DIS3L2: variants seen among roughly 807,000 people sequenced by gnomAD.
The protein encoded by DIS3L2 is DIS3-like exonuclease 2.
A neutral mutation model predicts 97.5 loss-of-function variants in DIS3L2; 34 were observed. The ratio of observed to expected loss-of-function variants is 0.35; its 90% CI spans 0.27 to 0.46. The LOEUF is 0.46. DIS3L2 is among the 20% of genes least tolerant of loss of function. The pLI is 1.00. For missense variants in DIS3L2, 1,038 were observed against 1,146.0 expected (o/e 0.91, Z 1.36); for synonymous variants, 435 against 445.2 (o/e 0.98, Z 0.29).
intron 6 of DIS3L2, among the ~76,000 whole-genome samples, chr2:232,122,022 T>G (rs1697921999): frequency 6.6e-6 from 1 of 152,140 alleles, no homozygotes; most frequent in Non-Finnish European, 1.5e-5. Context: ...TTCAGAAACC[T>G]GTCTAAGCTT....
intron 11 of DIS3L2, among the ~76,000 whole-genome samples, chr2:232,247,360 A>G (rs1335959368): frequency 6.6e-6 from 1 of 152,160 alleles, no homozygotes; most frequent in Admixed American, 6.5e-5. Flanking sequence ...CCAGAATCCC[A>G]TATCAAGGTG....
At chr2:232,166,115 T>A (rs931495849) in intron 9 of DIS3L2, among the ~76,000 whole-genome samples, 8 of 141,230 alleles carry the variant, frequency 5.7e-5, no homozygotes, top group South Asian at 4.7e-4. Context: ...AATAAATAAA[T>A]AAAATATTAG....
intron 10 of DIS3L2, among the ~76,000 whole-genome samples, chr2:232,218,450 A>G (rs1692406097): frequency 6.6e-6 from 1 of 152,126 alleles, no homozygotes; most frequent in South Asian, 2.1e-4. Flanking sequence ...GCAGTGATCC[A>G]TTCTTGGAGG....
chr2:232,339,336 C>T (rs1408323629), downstream of DIS3L2, among the ~76,000 whole-genome samples: 3 of 152,244 alleles, frequency 2.0e-5, no homozygotes, highest in African/African-American at 7.2e-5. Flanking sequence ...CCAGAGGCCA[C>T]TGCAGCGGCT....
At position 232,276,961 on chromosome 2, in the gene DIS3L2, A is replaced by G. The variant is rs1462017260; in HGVS notation, c.1659+13521A>G. Among the ~76,000 whole-genome samples the G allele has an allele frequency of 6.6e-6, 1 of 152,250 alleles. No individual in the cohort carries two copies. Among genetic ancestry groups the G allele is most frequent in the Non-Finnish European group, 1.5e-5 (1 of 68,050 alleles). On this transcript the variant is annotated intron_variant, in intron 13 of 20. Coordinates refer to ENST00000325385, the MANE Select transcript of DIS3L2 (RefSeq NM_152383.5). The surrounding 1 kb of genome is among the most constrained non-coding windows in gnomAD (Gnocchi z 4.4). ...CTGTCTTCACAGAAGAGCTACTTTA[A>G]CACAGAGGTGAACTTGGAAGGACTA...
At position 232,030,888 on chromosome 2, in the gene DIS3L2, T is replaced by C. The variant is rs145857679; in HGVS notation, c.366+808T>C. On this transcript the variant is annotated intron_variant, in intron 5 of 20. Transcript: ENST00000325385. ...GTATCTAAGTCTGAATTTGTCTTCA[T>C]ATCATTTGTTTTATTTGGCTTTTTT... is the stretch of plus-strand genomic sequence containing the variant. 3.1e-3 allele frequency among the ~76,000 whole-genome samples: 475 copies of C among 152,294 alleles called. 2 individuals are homozygous for C. The highest frequency in any genetic ancestry group is 0.024 in the Middle Eastern group (7 of 294).
At chr2:232,278,453 C>T (rs1408479234) in intron 13 of DIS3L2, among the ~76,000 whole-genome samples, 2 of 152,130 alleles carry the variant, frequency 1.3e-5, no homozygotes, top group East Asian at 1.9e-4. Flanking sequence ...TCCCACGTGC[C>T]CCTCTGTAGT....
intron 9 of DIS3L2, among the ~76,000 whole-genome samples, chr2:232,170,237 C>T (rs1185287139): frequency 6.6e-6 from 1 of 152,188 alleles, no homozygotes; most frequent in Non-Finnish European, 1.5e-5. Flanking sequence ...CCAGTTATTT[C>T]AAATTTCATT....
intron 10 of DIS3L2, among the ~76,000 whole-genome samples, chr2:232,234,768 A>G (rs560373788): frequency 1.3e-5 from 2 of 152,354 alleles, no homozygotes; most frequent in East Asian, 1.9e-4. Flanking sequence ...GGGTGTATGT[A>G]TGAGCCCCAT....
intron 5 of DIS3L2, among the ~76,000 whole-genome samples, chr2:232,080,013 C>T (rs1031457854): frequency 7.9e-5 from 12 of 152,174 alleles, no homozygotes; most frequent in African/African-American, 2.4e-4. Flanking sequence ...TTAAAAGAAA[C>T]GCTCTAACTT....
In DIS3L2 at chr2:232,136,618, G is replaced by T; in HGVS notation, c.849G>T (p.Lys283Asn). The change falls in exon 8 of 21, where the codon AAG becomes AAT. Residue 283 changes from lysine to asparagine, a missense_variant. Physicochemically the swap from Lys to Asn is moderately conservative, Grantham distance 94 (BLOSUM62 0). Around this residue, in one of 3 missense-constraint regions of DIS3L2, gnomAD observed 813 missense variants for 880.1 expected, o/e 0.92. Coordinates refer to ENST00000325385, the MANE Select transcript of DIS3L2 (RefSeq NM_152383.5). Reference sequence around the variant, plus strand: ...TGCCTAGAATTTATGTGCCTCTCAAGGACTGTCCCCAGGACTTTGTGGCAC... The same window carrying T: ...TGCCTAGAATTTATGTGCCTCTCAATGACTGTCCCCAGGACTTTGTGGCAC... The part of the protein sequence containing the change: ...HRVPRIYVPL[K>N]DCPQDFVARP... The T allele has an allele frequency of 6.2e-7, 1 of 1,613,824 alleles. No individual in the cohort carries two copies. Among genetic ancestry groups the T allele is most frequent in the Non-Finnish European group, 8.5e-7 (1 of 1,179,932 alleles).
At chr2:232,049,531 C>A (rs1215372987) in intron 5 of DIS3L2, among the ~76,000 whole-genome samples, 2 of 152,136 alleles carry the variant, frequency 1.3e-5, no homozygotes, top group Non-Finnish European at 2.9e-5. Flanking sequence ...TACCTTCTGT[C>A]CACATGATGA....
intron 9 of DIS3L2, among the ~76,000 whole-genome samples, chr2:232,186,305 A>G (rs1475495854): frequency 6.6e-6 from 1 of 152,224 alleles, no homozygotes; most frequent in Non-Finnish European, 1.5e-5. Flanking sequence ...TAATAATTCA[A>G]CATCTTAGAA....
intron 8 of DIS3L2, among the ~76,000 whole-genome samples, chr2:232,141,330 G>A (rs887354425): frequency 1.7e-4 from 26 of 152,104 alleles, no homozygotes; most frequent in Non-Finnish European, 7.4e-5. Context: ...AAATGGAAAC[G>A]TTTTACAGCA....
At chr2:232,318,869 C>G (rs938357787) in intron 14 of DIS3L2, among the ~76,000 whole-genome samples, 3 of 152,226 alleles carry the variant, frequency 2.0e-5, no homozygotes, top group Non-Finnish European at 1.5e-5. Flanking sequence ...CCCTAAAGAT[C>G]ATGGATAGAA....
chr2:232,283,892 A>C (rs561398914), intron 13 of DIS3L2, among the ~76,000 whole-genome samples: 1 of 152,314 alleles, frequency 6.6e-6, no homozygotes, highest in South Asian at 2.1e-4. Context: ...CCAAAATGGC[A>C]TAAAACTAGA....
At chr2:232,175,818 C>T (rs576812914) in intron 9 of DIS3L2, among the ~76,000 whole-genome samples, 19 of 152,090 alleles carry the variant, frequency 1.2e-4, no homozygotes, top group South Asian at 6.2e-4. Context: ...TTTATTAATT[C>T]GGTATCTTTT....
At chr2:232,272,679 C>T (rs932091365) in intron 13 of DIS3L2, among the ~76,000 whole-genome samples, 1 of 152,094 alleles carries the variant, frequency 6.6e-6, no homozygotes, top group African/African-American at 2.4e-5. Flanking sequence ...AACAGAACAG[C>T]CCAGAAGTAG....
At chr2:232,052,028 C>T (rs1695423112) in intron 5 of DIS3L2, among the ~76,000 whole-genome samples, 1 of 150,930 alleles carries the variant, frequency 6.6e-6, no homozygotes, top group African/African-American at 2.4e-5. Context: ...ATCTTAATTT[C>T]CTTTTTTTTT....
Sources: allele counts gnomAD v4.1 joint callset (sites outside exome capture counted in the v4.1 genomes callset), GRCh38; gene constraint gnomAD v4.1.1; regional missense constraint gnomAD v4.1.1; non-coding constraint Gnocchi (gnomAD v3.1); transcripts MANE v1.5; gene names NCBI Gene and HGNC (gene_info 2026-07-23, HGNC 2026-07-21).